SYNE1: variants seen among roughly 807,000 people sequenced by gnomAD.
SYNE1 encodes spectrin repeat containing nuclear envelope protein 1.
A neutral mutation model predicts 1,111.0 loss-of-function variants in SYNE1; 616 were observed. The ratio of observed to expected loss-of-function variants is 0.55; its 90% confidence interval spans 0.52 to 0.59. The LOEUF (loss-of-function observed/expected upper bound fraction) is 0.59, where lower values mean the gene tolerates loss of function less well. SYNE1 is among the 20% of genes least tolerant of loss of function. The probability of loss-of-function intolerance (pLI) is 0.00; values close to 1 mark genes in which losing one functional copy is unlikely to be tolerated. For synonymous variants in SYNE1, 3,855 were observed against 3,825.8 expected (o/e 1.01, Z -0.28); for missense variants, 10,006 against 10,417.0 (o/e 0.96, Z 1.72).
At chr6:152,125,943 C>T (rs953790010) in intron 145 of SYNE1, 1 of 152,274 alleles carries the variant, frequency 6.6e-6, no homozygotes, top group Non-Finnish European at 1.5e-5. Flanking sequence ...CTCATCTTTG[C>T]AAATGAGAAA....
chr6:152,210,915 A>G (rs979429710), intron 124 of SYNE1, among the ~76,000 whole-genome samples: 3 of 152,240 alleles, frequency 2.0e-5, no homozygotes, highest in Admixed American at 6.5e-5. Flanking sequence ...AATCTGACTT[A>G]AGGTAGCAAA....
rs748306486 is a variant in SYNE1, at chr6:152,358,432, G to C, written c.10549C>G (p.Gln3517Glu). The change falls in exon 66 of 146, where the codon CAG (glutamine) becomes GAG (glutamate). Residue 3517 changes from glutamine (Q) to glutamate (E), a missense_variant. By Grantham distance (29) the Gln-to-Glu change is conservative (BLOSUM62 2). This residue lies in a region of SYNE1 where 4,955 missense variants were observed against 5,017.2 expected (regional missense o/e 0.99). Coordinates refer to ENST00000367255, the MANE Select transcript of SYNE1 (RefSeq NM_182961.4). The stretch of plus-strand genomic sequence containing the variant: ...GCATCACCTTCAAGAACTGAATACT[G>C]GTCGAGCTTTTCTTGTTCTTGCCCC... Reference protein sequence around the residue: ...WLGQEQEKLDQYSVLEGDAHT... With the variant: ...WLGQEQEKLDEYSVLEGDAHT... 2.5e-6 allele frequency: 4 copies of C among 1,614,136 alleles called. No homozygotes were observed. The South Asian group carries it at 4.4e-5, about 18-fold the overall frequency.
intron 10 of SYNE1, among the ~76,000 whole-genome samples, chr6:152,499,292 T>A (rs1467172359): frequency 6.6e-6 from 1 of 152,074 alleles, no homozygotes; most frequent in African/African-American, 2.4e-5. Flanking sequence ...ACCTATTTTA[T>A]TTATTTATGA....
chr6:152,333,682 G>A (rs1452726647), intron 77 of SYNE1, among the ~76,000 whole-genome samples: 1 of 151,982 alleles, frequency 6.6e-6, no homozygotes, highest in African/African-American at 2.4e-5. Flanking sequence ...ACCCAGGCTG[G>A]AGTACAGTGG....
chr6:152,222,485 T>C (rs1187628039), intron 117 of SYNE1, among the ~76,000 whole-genome samples: 1 of 152,244 alleles, frequency 6.6e-6, no homozygotes, highest in African/African-American at 2.4e-5. Context: ...TTGCCAAGCT[T>C]TATCTCTGGG....
intron 135 of SYNE1, among the ~76,000 whole-genome samples, chr6:152,151,216 T>A (rs2060350461): frequency 6.9e-6 from 1 of 145,516 alleles, no homozygotes; most frequent in African/African-American, 2.6e-5. Context: ...AGTGAGACTC[T>A]CTCTAAAAAA....
chr6:152,459,820 T>C (rs1411271094), intron 21 of SYNE1, among the ~76,000 whole-genome samples: 1 of 152,232 alleles, frequency 6.6e-6, no homozygotes, highest in Non-Finnish European at 1.5e-5. Context: ...AGATGAGGCA[T>C]ATTCCAAAAA....
intron 87 of SYNE1, among the ~76,000 whole-genome samples, chr6:152,311,567 A>T (rs2095547059): frequency 6.6e-6 from 1 of 152,190 alleles, no homozygotes; most frequent in African/African-American, 2.4e-5. Context: ...GATTGGGAGA[A>T]GGTCTCCGGG....
intron 127 of SYNE1, among the ~76,000 whole-genome samples, chr6:152,191,566 T>C (rs2072394198): frequency 6.6e-6 from 1 of 152,184 alleles, no homozygotes; most frequent in Non-Finnish European, 1.5e-5. Flanking sequence ...TGGCATATAG[T>C]TGCTCATAAA....
chr6:152,448,871 C>A (rs964963777), intron 28 of SYNE1, among the ~76,000 whole-genome samples: 16 of 139,962 alleles, frequency 1.1e-4, no homozygotes, highest in African/African-American at 4.0e-4. Context: ...CAAACAAACA[C>A]TCAAAGGACA....
chr6:152,430,210 T>C lies in SYNE1; in HGVS notation c.4690A>G (p.Ile1564Val). The C allele has an allele frequency of 2.5e-6, 4 of 1,595,262 alleles. No individual in the cohort carries two copies. The African/African-American group carries it at 4.0e-5, about 16-fold the overall frequency. ...TCAAATTCAGACACAGATTGCTGGA[T>C]CTAAAACATTGGTGCAATATAAAAA... is the stretch of plus-strand genomic sequence containing the variant. ...QQKFEENLRK[I>V]QQSVSEFEDK... Residue 1564 changes from isoleucine (I) to valine (V), a missense_variant and splice_region_variant, in exon 36 of 146, where the codon ATC becomes GTC. Transcript: ENST00000367255.
intron 130 of SYNE1, among the ~76,000 whole-genome samples, chr6:152,169,561 CAAAAA>C (rs371955068): frequency 1.7e-4 from 3 of 18,090 alleles, no homozygotes; most frequent in Non-Finnish European, 2.6e-4. Flanking sequence ...GACTCCATCT[CAAAAA>C]AAAAAAAAAA....
intron 39 of SYNE1, among the ~76,000 whole-genome samples, chr6:152,420,879 A>T (rs2098248081): frequency 6.6e-6 from 1 of 152,196 alleles, no homozygotes; most frequent in Non-Finnish European, 1.5e-5. Flanking sequence ...AATTTGTAGT[A>T]TATTTTTTCT....
At chr6:152,486,864 T>C (rs117610833) in intron 12 of SYNE1, among the ~76,000 whole-genome samples, 7,336 of 152,252 alleles carry the variant, frequency 0.048, 241 homozygotes, top group Non-Finnish European at 0.067. Flanking sequence ...CATGTTGAAG[T>C]TCTCACTTCA....
chr6:152,403,946 C>T (rs1177247445), intron 46 of SYNE1, among the ~76,000 whole-genome samples: 1 of 151,728 alleles, frequency 6.6e-6, no homozygotes, highest in African/African-American at 2.4e-5. Flanking sequence ...ATGTCTGATA[C>T]AATCCACATG....
chr6:152,242,653 C>T (rs1348867427), intron 106 of SYNE1, among the ~76,000 whole-genome samples: 2 of 152,208 alleles, frequency 1.3e-5, no homozygotes, highest in East Asian at 3.9e-4. Context: ...ACCTTTGGAC[C>T]TCTATTCTCA....
rs1338304549 is a variant in SYNE1, at chr6:152,554,855, G to A, written c.68-14834C>T. Reference sequence around the variant, plus strand: ...GTAGTGGCATGTAGGCAGAATCTGGGCCCCAAATGTATTTTCCTTCATCCT... The same window carrying A: ...GTAGTGGCATGTAGGCAGAATCTGGACCCCAAATGTATTTTCCTTCATCCT... On this transcript the variant is annotated intron_variant, in intron 3 of 145. Coordinates refer to ENST00000367255, the MANE Select transcript of SYNE1 (RefSeq NM_182961.4). Among the ~76,000 whole-genome samples, 3 of 152,128 alleles carry A rather than the reference G, an allele frequency of 2.0e-5. No homozygotes were observed. In the East Asian group the frequency reaches 5.8e-4, roughly 29 times the overall value.
At chr6:152,182,757 A>G (rs960301053) in intron 128 of SYNE1, among the ~76,000 whole-genome samples, 4 of 152,222 alleles carry the variant, frequency 2.6e-5, no homozygotes, top group African/African-American at 9.7e-5. Flanking sequence ...TCCCAAGGCC[A>G]GCCTTAGGCA....
chr6:152,154,942 A>G lies in SYNE1; in HGVS notation c.24079T>C (p.Ser8027Pro), dbSNP rs2061111275. ...SSERTAAFPSSSGVIYTVAKE... is the reference protein window; with the variant it reads ...SSERTAAFPSPSGVIYTVAKE... ...GCAACTGTATAGATCACCCCAGAAGAGCTGGGAAAAGCAGCTGTCCTTTCT... is the reference window on the plus strand; with the variant it reads ...GCAACTGTATAGATCACCCCAGAAGGGCTGGGAAAAGCAGCTGTCCTTTCT... Residue 8027 changes from serine to proline, a missense_variant, in exon 133 of 146, where the codon TCT (serine) becomes CCT (proline). Coordinates refer to ENST00000367255, the MANE Select transcript of SYNE1 (RefSeq NM_182961.4). 1 of 1,614,202 alleles carries G rather than the reference A, an allele frequency of 6.2e-7. No homozygotes were observed. Among genetic ancestry groups the G allele is most frequent in the Non-Finnish European group, 8.5e-7 (1 of 1,180,026 alleles).
Sources: allele counts gnomAD v4.1 joint callset (sites outside exome capture counted in the v4.1 genomes callset), GRCh38; gene constraint gnomAD v4.1.1; regional missense constraint gnomAD v4.1.1; transcripts MANE v1.5; gene names NCBI Gene and HGNC (gene_info 2026-07-23, HGNC 2026-07-21).